NUP50: variants seen among roughly 807,000 people sequenced by gnomAD.
NUP50 encodes nucleoporin 50, also known as nuclear pore complex protein Nup50.
A neutral mutation model predicts 36.8 loss-of-function variants in NUP50; 14 were observed. The observed-to-expected ratio is 0.38, with a 90% CI of 0.25 to 0.59. The LOEUF (loss-of-function observed/expected upper bound fraction) is 0.59. NUP50 is among the 20% of genes least tolerant of loss of function. The pLI is 0.63. For missense variants in NUP50, 455 were observed against 564.6 expected (o/e 0.81, Z 1.97); for synonymous variants, 195 against 210.8 (o/e 0.93, Z 0.65).
chr22:45,176,157 T>C (rs746168160), intron 4 of NUP50, 77 bp downstream of exon 4: 14 of 1,464,802 alleles, frequency 9.6e-6, no homozygotes, highest in Non-Finnish European at 1.2e-5. Context: ...GTTTTTCTTA[T>C]AGCTACCCTG....
At chr22:45,166,617 G>A (rs1259821553) in intron 1 of NUP50, among the ~76,000 whole-genome samples, 2 of 151,970 alleles carry the variant, frequency 1.3e-5, no homozygotes, top group African/African-American at 2.4e-5. Context: ...AAACGTGACC[G>A]TTGGTGACTT....
At position 45,178,486 on chromosome 22, in the gene NUP50, A is replaced by G. The variant is rs557315073; in HGVS notation, c.589A>G (p.Ile197Val). 4.3e-6 allele frequency: 7 copies of G among 1,612,566 alleles called. No homozygotes were observed. The highest frequency in any genetic ancestry group is 2.2e-5 in the East Asian group (1 of 44,880). Residue 197 changes from isoleucine (I) to valine (V), a missense_variant, in exon 5 of 8, where the codon ATT (isoleucine) becomes GTT (valine). By Grantham distance (29) the Ile-to-Val change is conservative. This residue lies in a region of NUP50 where 287 missense variants were observed against 345.5 expected (regional missense o/e 0.83). Transcript: ENST00000347635. ...AGACTATGAGAAATATTTAGCAAAC[A>G]TTGAACAGCAACACGGGAACAGTGG... is the stretch of plus-strand genomic sequence containing the variant. ...FKDYEKYLAN[I>V]EQQHGNSGRN... is the part of the protein sequence containing the mutation.
chr22:45,165,107 A>G (rs1198662599), intron 1 of NUP50, among the ~76,000 whole-genome samples: 7 of 152,344 alleles, frequency 4.6e-5, no homozygotes, highest in African/African-American at 1.4e-4. Flanking sequence ...CAGAGACCAC[A>G]TAACTATATC....
At chr22:45,171,732 G>C in intron 3 of NUP50, 49 bp downstream of exon 3, 1 of 1,460,058 alleles carries the variant, frequency 6.8e-7, no homozygotes, top group Non-Finnish European at 9.6e-7. Context: ...TTTGATTTCT[G>C]GGTTGCACAG....
intron 2 of NUP50, among the ~76,000 whole-genome samples, chr22:45,168,923 A>T (rs925227239): frequency 1.6e-5 from 2 of 127,862 alleles, no homozygotes; most frequent in African/African-American, 6.1e-5. Flanking sequence ...TTTTTTTGAG[A>T]CAGAGTCTCA....
chr22:45,180,796 T>C (rs2074355822), intron 5 of NUP50, among the ~76,000 whole-genome samples: 1 of 152,062 alleles, frequency 6.6e-6, no homozygotes, highest in African/African-American at 2.4e-5. Context: ...CTTAAATTAC[T>C]TACACTGGGG....
chr22:45,175,887 A>T lies in NUP50; in HGVS notation c.154-7A>T. The T allele has an allele frequency of 6.2e-7, 1 of 1,613,838 alleles. No homozygotes were observed. Among genetic ancestry groups the T allele is most frequent in the Non-Finnish European group, 8.5e-7 (1 of 1,179,904 alleles). On this transcript the variant is annotated splice_region_variant and splice_polypyrimidine_tract_variant and intron_variant, in intron 3 of 7. Transcript: ENST00000347635. The stretch of plus-strand genomic sequence containing the variant: ...TACCTAATGTGTGCTCCTCCTTCAT[A>T]CTTCAGTCTGACACTGGAGGAGCCT...
chr22:45,184,798 C>A lies in NUP50; in HGVS notation c.*143C>A. On this transcript the variant is annotated 3_prime_UTR_variant, in exon 8 of 8. Coordinates refer to ENST00000347635, the MANE Select transcript of NUP50 (RefSeq NM_007172.4). ...CTTTTGTGAGGAAGATTAATGTGGCCAATAAAACCTTTAAATGTTAAGTGT... is the reference window on the plus strand; with the variant it reads ...CTTTTGTGAGGAAGATTAATGTGGCAAATAAAACCTTTAAATGTTAAGTGT... The A allele has an allele frequency of 3.1e-6, 2 of 652,186 alleles. No homozygotes were observed. Among genetic ancestry groups the A allele is most frequent in the Non-Finnish European group, 5.4e-6 (2 of 367,814 alleles). 40.4% of individuals were successfully genotyped at this position (652,186 alleles called of 1,614,324 possible). A position where few individuals can be genotyped will look rare whatever the true frequency, so the allele number is the denominator to read the frequency against.
chr22:45,180,256 A>AGACGGACAGTCGTGT (rs1434456190), intron 5 of NUP50: 1 of 152,264 alleles, frequency 6.6e-6, no homozygotes, highest in African/African-American at 2.4e-5. Flanking sequence ...TGGAGGGATA[A>AGACGGACAGTCGTGT]GACGGACAGT....
intron 5 of NUP50, among the ~76,000 whole-genome samples, chr22:45,180,616 G>T (rs1315063735): frequency 6.6e-6 from 1 of 152,168 alleles, no homozygotes; most frequent in Non-Finnish European, 1.5e-5. Flanking sequence ...GGGCTCAAGC[G>T]ATCTTCCTGC....
intron 7 of NUP50, 55 bp from the exon 8 acceptor site, chr22:45,184,397 CT>C: frequency 6.7e-7 from 1 of 1,494,722 alleles, no homozygotes; most frequent in Non-Finnish European, 9.3e-7. Flanking sequence ...TTACAGACTC[CT>C]TTGGTGGAGC....
chr22:45,180,653 C>T (rs1188918065), intron 5 of NUP50, among the ~76,000 whole-genome samples: 2 of 152,218 alleles, frequency 1.3e-5, no homozygotes, highest in Non-Finnish European at 2.9e-5. Context: ...GCTGGGATTA[C>T]AGGCGTGAGC....
At position 45,183,530 on chromosome 22, in the gene NUP50, T is replaced by G; in HGVS notation, c.1204+10T>G. 3 of 1,494,544 alleles carry G rather than the reference T, an allele frequency of 2.0e-6. No homozygotes were observed. The highest frequency in any genetic ancestry group is 2.8e-6 in the Non-Finnish European group (3 of 1,071,424). 92.6% of individuals were successfully genotyped at this position (1,494,544 alleles called of 1,614,324 possible). ...GCAGACACCAATTTAGGTGGGTACC[T>G]TTTTTCAGTTAGCACAAAATCATCA... On this transcript the variant is annotated intron_variant, in intron 7 of 7. Transcript: ENST00000347635.
In NUP50 at chr22:45,187,633, C is replaced by T. The variant is rs372321206; in HGVS notation, c.*2978C>T. ...TTTGAAGGCTTTGCAAACTCCTAAA[C>T]CCCTGATGAGTCCTCTCATTCTGGA... On this transcript the variant is annotated 3_prime_UTR_variant, in exon 8 of 8. Transcript: ENST00000347635. 1.2e-4 allele frequency: 18 copies of T among 152,310 alleles called. No individual in the cohort carries two copies. In the East Asian group the frequency reaches 1.4e-3, roughly 11 times the overall value. 9.4% of individuals were successfully genotyped at this position (152,310 alleles called of 1,614,324 possible).
intron 3 of NUP50, 39 bp downstream of exon 3, chr22:45,171,722 T>C (rs755322730): frequency 1.3e-6 from 2 of 1,551,184 alleles, no homozygotes; most frequent in Non-Finnish European, 1.8e-6. Context: ...TAAATACTCA[T>C]TTGATTTCTG....
chr22:45,166,090 C>G (rs111405124), intron 1 of NUP50: 89 of 152,140 alleles, frequency 5.8e-4, no homozygotes, highest in African/African-American at 1.9e-3. Flanking sequence ...AACAAAGATC[C>G]CTGCGTTTTG....
At chr22:45,168,009 A>G (rs928513636) in intron 1 of NUP50, among the ~76,000 whole-genome samples, 159 bp from the exon 2 acceptor site, 2 of 152,186 alleles carry the variant, frequency 1.3e-5, no homozygotes, top group African/African-American at 4.8e-5. Context: ...AACAGCACCA[A>G]TGTAAAGTTC....
At position 45,187,736 on chromosome 22, in the gene NUP50, G is replaced by C. The variant is rs1007421498; in HGVS notation, c.*3081G>C. On this transcript the variant is annotated 3_prime_UTR_variant, in exon 8 of 8. Transcript: ENST00000347635. ...GAGGTCTTTTCCAAGCAGGCACTCA[G>C]AACACAGGTCACCGTATGTTCTCAG... 15 of 152,384 alleles carry C rather than the reference G, an allele frequency of 9.8e-5. No individual in the cohort carries two copies. Among genetic ancestry groups the C allele is most frequent in the African/African-American group, 3.1e-4 (13 of 41,440 alleles). 9.4% of individuals were successfully genotyped at this position (152,384 alleles called of 1,614,324 possible).
chr22:45,178,909 C>A lies in NUP50; in HGVS notation c.1003+9C>A. On this transcript the variant is annotated intron_variant, in intron 5 of 7. Transcript: ENST00000347635. ...CAGTGGTGAATGCAAAGGTAAGTACCAGCTTTGTCGTTGAGTCGAGGTTTG... is the reference window on the plus strand; with the variant it reads ...CAGTGGTGAATGCAAAGGTAAGTACAAGCTTTGTCGTTGAGTCGAGGTTTG... The A allele has an allele frequency of 6.3e-7, 1 of 1,595,352 alleles. No homozygotes were observed. Among genetic ancestry groups the A allele is most frequent in the South Asian group, 1.1e-5 (1 of 88,092 alleles).
Sources: gnomAD v4.1 joint callset for allele counts (sites outside exome capture counted in the v4.1 genomes callset) on GRCh38, gnomAD v4.1.1 for gene constraint, gnomAD v4.1.1 regional missense constraint, MANE v1.5 for transcripts, NCBI Gene and HGNC (gene_info 2026-07-23, HGNC 2026-07-21) for gene names.